Variants in HDAC9 observed in about 807,000 individuals in gnomAD.
The protein encoded by HDAC9 is histone deacetylase 9, also known as MEF-2 interacting transcription repressor (MITR) protein.
Under a neutral mutation model 139.4 loss-of-function variants are expected in HDAC9, and 41 were observed. The observed-to-expected ratio is 0.29, with a 90% CI of 0.23 to 0.38. The LOEUF is 0.38. Among genes scored for constraint, HDAC9 ranks in the 10% least tolerant of loss-of-function variants. HDAC9 has a pLI of 1.00. For missense variants in HDAC9, 1,147 were observed against 1,297.0 expected (o/e 0.88, Z 1.78); for synonymous variants, 517 against 476.2 (o/e 1.09, Z -1.12).
chr7:18,270,761 A>G (rs1796303597), intron 2 of HDAC9, among the ~76,000 whole-genome samples: 1 of 152,162 alleles, frequency 6.6e-6, no homozygotes, highest in South Asian at 2.1e-4. Flanking sequence ...AATTATTGAG[A>G]AGATGCCTTC....
intron 12 of HDAC9, among the ~76,000 whole-genome samples, chr7:18,709,261 T>C (rs1562871766): frequency 6.6e-6 from 1 of 152,128 alleles, no homozygotes; most frequent in Admixed American, 6.5e-5. Flanking sequence ...GTGTTCTCAT[T>C]GTTCAAATCC....
At chr7:18,197,834 C>A (rs1280947249) in intron 2 of HDAC9, among the ~76,000 whole-genome samples, 1 of 152,166 alleles carries the variant, frequency 6.6e-6, no homozygotes, top group Non-Finnish European at 1.5e-5. Context: ...GAGACAAAGC[C>A]TTTTAAGGAA....
chr7:18,363,952 C>T (rs1282095259), intron 1 of HDAC9, among the ~76,000 whole-genome samples: 1 of 152,132 alleles, frequency 6.6e-6, no homozygotes, highest in Non-Finnish European at 1.5e-5. Flanking sequence ...TAAAGATTTT[C>T]AGGTCCCAGA....
At chr7:18,762,060 T>C in intron 14 of HDAC9, 97 bp from the exon 15 acceptor site, 13 of 1,286,734 alleles carry the variant, frequency 1.0e-5, no homozygotes, top group Non-Finnish European at 1.4e-5. Flanking sequence ...ATGATGAAAT[T>C]CAGCCCATTA....
At chr7:18,305,466 T>G (rs1798845406) in intron 1 of HDAC9, among the ~76,000 whole-genome samples, 1 of 152,226 alleles carries the variant, frequency 6.6e-6, no homozygotes, top group African/African-American at 2.4e-5. Flanking sequence ...AATAGTTTGC[T>G]TCCACTGAAG....
At chr7:18,766,203 G>A (rs1789818858) in intron 15 of HDAC9, among the ~76,000 whole-genome samples, 1 of 152,174 alleles carries the variant, frequency 6.6e-6, no homozygotes, top group South Asian at 2.1e-4. Flanking sequence ...TGACATGTCA[G>A]AGTCCCTTCA....
intron 22 of HDAC9, among the ~76,000 whole-genome samples, chr7:18,889,650 C>T (rs1800498903): frequency 6.6e-6 from 1 of 152,112 alleles, no homozygotes; most frequent in Non-Finnish European, 1.5e-5. Flanking sequence ...AAGCAGGCTC[C>T]ACAGTATATA....
intron 22 of HDAC9, among the ~76,000 whole-genome samples, chr7:18,928,127 G>A (rs1433041378): frequency 6.6e-6 from 1 of 152,180 alleles, no homozygotes; most frequent in South Asian, 2.1e-4. Flanking sequence ...AGGGAGGCAG[G>A]ATAGCAATAG....
chr7:18,985,297 C>T (rs993774822), intron 25 of HDAC9, among the ~76,000 whole-genome samples: 7 of 151,974 alleles, frequency 4.6e-5, no homozygotes, highest in East Asian at 1.9e-4. Flanking sequence ...TCAATTCCCA[C>T]CTATGAGTGA....
chr7:18,940,948 A>G (rs1781984500), intron 23 of HDAC9, among the ~76,000 whole-genome samples: 1 of 152,138 alleles, frequency 6.6e-6, no homozygotes, highest in Non-Finnish European at 1.5e-5. Context: ...CATGGCCATT[A>G]GAAGATCACC....
intron 13 of HDAC9, among the ~76,000 whole-genome samples, chr7:18,744,045 T>C (rs923323146): frequency 4.1e-5 from 6 of 147,484 alleles, no homozygotes; most frequent in Non-Finnish European, 7.4e-5. Flanking sequence ...AGATGGAGTT[T>C]CGCTCTTGTT....
chr7:18,144,036 A>G (rs1471851679), intron 1 of HDAC9, among the ~76,000 whole-genome samples: 1 of 152,168 alleles, frequency 6.6e-6, no homozygotes, highest in Non-Finnish European at 1.5e-5. Context: ...ACGTCTATCT[A>G]CATGTCACAC....
intron 1 of HDAC9, among the ~76,000 whole-genome samples, chr7:18,354,704 C>A (rs1783118000): frequency 1.3e-5 from 2 of 152,066 alleles, no homozygotes; most frequent in African/African-American, 4.8e-5. Flanking sequence ...TTATCCAGGC[C>A]CAGATTTCCT....
At chr7:18,775,724 T>A (rs561327284) in intron 16 of HDAC9, among the ~76,000 whole-genome samples, 1 of 151,866 alleles carries the variant, frequency 6.6e-6, no homozygotes, top group Non-Finnish European at 1.5e-5. Context: ...ATGTATCTTG[T>A]CATACCTATC....
At chr7:18,880,857 C>A (rs1799688068) in intron 22 of HDAC9, among the ~76,000 whole-genome samples, 1 of 149,258 alleles carries the variant, frequency 6.7e-6, no homozygotes. Flanking sequence ...GGGGGGGGAA[C>A]CAAATAACAA....
intron 1 of HDAC9, among the ~76,000 whole-genome samples, chr7:18,159,108 T>G (rs1398944561): frequency 6.6e-6 from 1 of 152,204 alleles, no homozygotes; most frequent in African/African-American, 2.4e-5. Flanking sequence ...TTGCTGCACT[T>G]GTGTTTATCT....
At chr7:18,972,651 G>A (rs555177822) in intron 24 of HDAC9, among the ~76,000 whole-genome samples, 1 of 152,140 alleles carries the variant, frequency 6.6e-6, no homozygotes, top group East Asian at 1.9e-4. Context: ...AAAGTGCTGG[G>A]ATTACAGGCA....
At chr7:18,924,828 AAACC>A (rs1563059953) in intron 22 of HDAC9, among the ~76,000 whole-genome samples, 1 of 152,158 alleles carries the variant, frequency 6.6e-6, no homozygotes, top group Non-Finnish European at 1.5e-5. Flanking sequence ...AGGCATTCAG[AAACC>A]GTGAGGATGA....
Position 18,380,439 on chromosome 7 carries a change from A to T in HDAC9, c.-42+89924A>T, listed in dbSNP as rs17150222. Among the ~76,000 whole-genome samples, 68 of 152,366 alleles carry T rather than the reference A, an allele frequency of 4.5e-4. No homozygotes were observed. In the East Asian group the frequency reaches 0.012, roughly 27 times the overall value. On this transcript the variant is annotated intron_variant, in intron 1 of 3. Coordinates refer to the HDAC9 transcript ENST00000413509. ...ATCGTATATTGCAGTTTGGTTATTA[A>T]GACTGGCAGAAAGAGACCAAAGCAT...
Sources: allele counts gnomAD v4.1 joint callset (sites outside exome capture counted in the v4.1 genomes callset), GRCh38; gene constraint gnomAD v4.1.1; transcripts MANE v1.5; gene names NCBI Gene and HGNC (gene_info 2026-07-23, HGNC 2026-07-21).